B4GALT6: variants seen among roughly 807,000 people sequenced by gnomAD.
B4GALT6 encodes beta-1,4-galactosyltransferase 6, also known as UDP-Gal:beta-GlcNAc beta-1,4-galactosyltransferase 6.
Under a neutral mutation model 46.3 loss-of-function variants are expected in B4GALT6, and 14 were observed. That is an observed-to-expected ratio of 0.30 (90% confidence interval 0.20 to 0.47). The LOEUF is 0.47. Ranked by LOEUF, B4GALT6 falls within the 20% of genes least tolerant of loss-of-function variation. B4GALT6 has a pLI of 0.99. For synonymous variants in B4GALT6, 168 were observed against 162.0 expected (o/e 1.04, Z -0.28); for missense variants, 386 against 480.1 (o/e 0.80, Z 1.83).
At chr18:31,627,318 T>C (rs1042633226) in intron 6 of B4GALT6, among the ~76,000 whole-genome samples, 197 bp from the exon 7 acceptor site, 1 of 152,046 alleles carries the variant, frequency 6.6e-6, no homozygotes, top group East Asian at 1.9e-4. Flanking sequence ...ACATGTGTTA[T>C]GTTAAATGTA....
chr18:31,716,811 A>G, the B4GALT6 span, among the ~76,000 whole-genome samples: 1 of 152,148 alleles, frequency 6.6e-6, no homozygotes. Flanking sequence ...TTTAAGAAAT[A>G]AAATTAGTAG....
Position 31,623,700 on chromosome 18 carries a change from C to A in B4GALT6, c.*1914G>T, listed in dbSNP as rs2073648099. 1 of 152,054 alleles carries A rather than the reference C, an allele frequency of 6.6e-6. No homozygotes were observed. The highest frequency in any genetic ancestry group is 1.9e-4 in the East Asian group (1 of 5,194). 9.4% of individuals were successfully genotyped at this position (152,054 alleles called of 1,614,324 possible). A position where few individuals can be genotyped will look rare whatever the true frequency, so the allele number is the denominator to read the frequency against. On this transcript the variant is annotated 3_prime_UTR_variant, in exon 9 of 9. Coordinates refer to ENST00000306851, the MANE Select transcript of B4GALT6 (RefSeq NM_004775.5). ...AAATATAAATATTTTGGAAATAGTT[C>A]TAAGAAATAAATATGAAAATATTTT...
chr18:31,709,275 G>GGCT, the B4GALT6 span, among the ~76,000 whole-genome samples: 1 of 151,112 alleles, frequency 6.6e-6, no homozygotes, highest in African/African-American at 2.4e-5. Context: ...ATGTTGCCCA[G>GGCT]GCTGGTCTCA....
intron 1 of B4GALT6, 149 bp from the exon 2 acceptor site, chr18:31,666,521 C>T: frequency 2.5e-6 from 1 of 392,478 alleles, no homozygotes; most frequent in Non-Finnish European, 4.5e-6. Context: ...TAAAATATTG[C>T]CTACTATAAA....
chr18:31,639,655 ATTTGTC>A (rs1192800227), intron 4 of B4GALT6, among the ~76,000 whole-genome samples: 1 of 152,218 alleles, frequency 6.6e-6, no homozygotes, highest in Non-Finnish European at 1.5e-5. Context: ...CAGCACAGAC[ATTTGTC>A]TTTATCAACC....
the B4GALT6 span, among the ~76,000 whole-genome samples, chr18:31,709,872 C>G: frequency 1.3e-5 from 2 of 151,968 alleles, no homozygotes; most frequent in Non-Finnish European, 2.9e-5. Flanking sequence ...GCAGGCCGAT[C>G]ATCTGAGGTC....
chr18:31,629,258 T>C (rs1193513650), intron 6 of B4GALT6, among the ~76,000 whole-genome samples: 1 of 152,108 alleles, frequency 6.6e-6, no homozygotes, highest in Non-Finnish European at 1.5e-5. Context: ...AAAGTTATAC[T>C]AGATTTTCAA....
At chr18:31,663,796 G>A (rs940291082) in intron 2 of B4GALT6, among the ~76,000 whole-genome samples, 1 of 152,164 alleles carries the variant, frequency 6.6e-6, no homozygotes, top group African/African-American at 2.4e-5. Flanking sequence ...GAGGCCTAGA[G>A]ATCCTCATAT....
chr18:31,715,499 A>G, the B4GALT6 span, among the ~76,000 whole-genome samples: 1 of 131,788 alleles, frequency 7.6e-6, no homozygotes, highest in Admixed American at 7.9e-5. Context: ...AGAGTGCTGG[A>G]TTACAGGCAT....
chr18:31,643,696 T>G (rs2073957462), intron 4 of B4GALT6, among the ~76,000 whole-genome samples: 1 of 152,216 alleles, frequency 6.6e-6, no homozygotes, highest in Non-Finnish European at 1.5e-5. Context: ...GAAATACTCA[T>G]GTGATACACC....
upstream of B4GALT6, among the ~76,000 whole-genome samples, chr18:31,689,978 T>G (rs2030056082): frequency 6.6e-6 from 1 of 152,184 alleles, no homozygotes; most frequent in Non-Finnish European, 1.5e-5. Context: ...CTACGCAGTG[T>G]TACTCCTGAG....
chr18:31,670,537 G>A lies in B4GALT6; in HGVS notation c.116-4165C>T, dbSNP rs372335894. On this transcript the variant is annotated intron_variant, in intron 1 of 8. Coordinates refer to ENST00000306851, the MANE Select transcript of B4GALT6 (RefSeq NM_004775.5). Reference sequence around the variant, plus strand: ...ATTGAGTTACATTCCTCAGGTTAATGGTCCTCATGGGTTTAATCCCTAAAG... The same window carrying A: ...ATTGAGTTACATTCCTCAGGTTAATAGTCCTCATGGGTTTAATCCCTAAAG... Among the ~76,000 whole-genome samples the A allele has an allele frequency of 5.9e-5, 9 of 152,230 alleles. No individual in the cohort carries two copies. In the East Asian group the frequency reaches 1.7e-3, roughly 29 times the overall value.
rs1017862488 is a variant in B4GALT6, at chr18:31,627,208, C to A, written c.777-87G>T. The A allele has an allele frequency of 5.4e-6, 6 of 1,104,038 alleles. No individual in the cohort carries two copies. The African/African-American group carries it at 8.0e-5, about 15-fold the overall frequency. 68.4% of individuals were successfully genotyped at this position (1,104,038 alleles called of 1,614,324 possible). ...AGGTTTCAGCCTTTTATGTGCTTTG[C>A]AAAATATGCCCTTATATTCTATATA... On this transcript the variant is annotated intron_variant, in intron 6 of 8. Transcript: ENST00000306851.
the B4GALT6 span, among the ~76,000 whole-genome samples, chr18:31,715,756 C>A: frequency 6.6e-6 from 1 of 151,636 alleles, no homozygotes; most frequent in Non-Finnish European, 1.5e-5. Context: ...ACCATGTTAG[C>A]CAGGCTGGTC....
At chr18:31,671,987 T>C (rs1021899452) in intron 1 of B4GALT6, among the ~76,000 whole-genome samples, 5 of 152,256 alleles carry the variant, frequency 3.3e-5, no homozygotes, top group Non-Finnish European at 7.3e-5. Flanking sequence ...CCTGAGTTTA[T>C]GAGGCAAACT....
the B4GALT6 span, among the ~76,000 whole-genome samples, chr18:31,723,196 T>C: frequency 6.6e-6 from 1 of 152,240 alleles, no homozygotes; most frequent in Non-Finnish European, 1.5e-5. Flanking sequence ...ATTATTGTTT[T>C]ATAATAGATC....
At chr18:31,675,445 C>A (rs1471816563) in intron 1 of B4GALT6, among the ~76,000 whole-genome samples, 1 of 152,198 alleles carries the variant, frequency 6.6e-6, no homozygotes, top group Admixed American at 6.5e-5. Flanking sequence ...ACAACCAGAT[C>A]ATTAGTTCAG....
chr18:31,664,441 T>G (rs1268895929), intron 2 of B4GALT6, among the ~76,000 whole-genome samples: 2 of 151,966 alleles, frequency 1.3e-5, no homozygotes, highest in African/African-American at 4.8e-5. Context: ...CAAAGTTTCA[T>G]AAAAGTAAGC....
intron 3 of B4GALT6, among the ~76,000 whole-genome samples, chr18:31,650,778 A>AT (rs1321930824): frequency 1.1e-4 from 17 of 152,028 alleles, no homozygotes; most frequent in African/African-American, 2.7e-4. Flanking sequence ...TCCCAGCTGC[A>AT]TTTTTTTTGA....
Sources: gnomAD v4.1 joint callset for allele counts (sites outside exome capture counted in the v4.1 genomes callset) on GRCh38, gnomAD v4.1.1 for gene constraint, MANE v1.5 for transcripts, NCBI Gene and HGNC (gene_info 2026-07-23, HGNC 2026-07-21) for gene names.